Variants in BNC2 observed in about 807,000 individuals in gnomAD.
BNC2 encodes basonuclin zinc finger protein 2, also known as zinc finger protein basonuclin-2.
In BNC2, 20 loss-of-function variants were observed where a neutral mutation model predicts 76.3. The ratio of observed to expected loss-of-function variants is 0.26; its 90% CI spans 0.18 to 0.38. The LOEUF (loss-of-function observed/expected upper bound fraction) is 0.38, where lower values mean the gene tolerates loss of function less well. BNC2 is among the 10% of genes least tolerant of loss of function. The pLI is 1.00. For synonymous variants in BNC2, 582 were observed against 514.8 expected, an observed-to-expected ratio of 1.13 and a Z score of -1.77; for missense variants, 1,382 against 1,399.8, an observed-to-expected ratio of 0.99 and a Z score of 0.20.
At chr9:16,765,990 T>C (rs1425167473) in intron 1 of BNC2, among the ~76,000 whole-genome samples, 2 of 152,174 alleles carry the variant, frequency 1.3e-5, no homozygotes, top group Middle Eastern at 3.4e-3. Context: ...GATTTCACCG[T>C]GTTAGCCAGG....
chr9:16,612,928 A>C (rs1369679593), intron 3 of BNC2, among the ~76,000 whole-genome samples: 1 of 152,122 alleles, frequency 6.6e-6, no homozygotes, highest in Non-Finnish European at 1.5e-5. Context: ...GACCATCATC[A>C]CTTATGACAA....
chr9:16,598,884 A>C (rs1366818909), intron 3 of BNC2, among the ~76,000 whole-genome samples: 3 of 152,202 alleles, frequency 2.0e-5, no homozygotes, highest in Non-Finnish European at 4.4e-5. Flanking sequence ...GAAAAAGCCA[A>C]ACATCAAAAT....
intron 2 of BNC2, among the ~76,000 whole-genome samples, chr9:16,735,802 C>A (rs1167729780): frequency 9.9e-5 from 15 of 151,994 alleles, no homozygotes; most frequent in Admixed American, 9.8e-4. Context: ...CCATGCCCAG[C>A]CAAGATAATG....
chr9:16,723,871 T>C (rs1010230511), intron 3 of BNC2, among the ~76,000 whole-genome samples: 6 of 152,022 alleles, frequency 3.9e-5, no homozygotes, highest in Non-Finnish European at 7.4e-5. Flanking sequence ...TAATGCACAA[T>C]AGAAAAATGT....
intron 4 of BNC2, chr9:16,580,278 GGA>G: frequency 2.5e-6 from 1 of 397,486 alleles, no homozygotes; most frequent in Non-Finnish European, 4.4e-6. Flanking sequence ...TCATGAATGG[GGA>G]GAGTGTGGGA....
At chr9:16,799,524 A>G (rs1817733000) in intron 1 of BNC2, among the ~76,000 whole-genome samples, 1 of 152,132 alleles carries the variant, frequency 6.6e-6, no homozygotes, top group South Asian at 2.1e-4. Context: ...TATGTTGGCC[A>G]GGCTGGTCTC....
intron 1 of BNC2, among the ~76,000 whole-genome samples, chr9:16,824,316 A>T (rs1300103967): frequency 6.6e-6 from 1 of 152,158 alleles, no homozygotes; most frequent in Non-Finnish European, 1.5e-5. Context: ...AAGTCTAATG[A>T]CAGAAATTAA....
At chr9:16,707,289 T>C (rs1823708292) in intron 3 of BNC2, among the ~76,000 whole-genome samples, 1 of 152,246 alleles carries the variant, frequency 6.6e-6, no homozygotes, top group Non-Finnish European at 1.5e-5. Context: ...AATTCCAATT[T>C]TGATGTTACT....
chr9:16,539,562 G>GGA (rs1178835255), intron 5 of BNC2, among the ~76,000 whole-genome samples: 1 of 131,446 alleles, frequency 7.6e-6, no homozygotes, highest in Admixed American at 8.0e-5. Flanking sequence ...AGGGGGAGGG[G>GGA]GAGAGAGAGA....
intron 3 of BNC2, among the ~76,000 whole-genome samples, chr9:16,718,563 A>G (rs558273244): frequency 6.6e-6 from 1 of 152,256 alleles, no homozygotes; most frequent in East Asian, 1.9e-4. Flanking sequence ...ATCCTAGCGC[A>G]ATTCTAATTT....
At chr9:16,488,238 G>A (rs7872452) in intron 5 of BNC2, among the ~76,000 whole-genome samples, 3 of 151,872 alleles carry the variant, frequency 2.0e-5, no homozygotes, top group Non-Finnish European at 4.4e-5. Flanking sequence ...TCTCCCCAAC[G>A]TACTATATCT....
chr9:16,498,190 C>CATATATATATTCCATCAT (rs1822438469), intron 5 of BNC2, among the ~76,000 whole-genome samples: 4 of 133,858 alleles, frequency 3.0e-5, no homozygotes, highest in Admixed American at 7.5e-5. Flanking sequence ...TATATTCCAT[C>CATATATATATTCCATCAT]ATATATATAT....
chr9:16,419,919 C>A (rs536953412), intron 6 of BNC2, among the ~76,000 whole-genome samples: 1 of 152,018 alleles, frequency 6.6e-6, no homozygotes, highest in Non-Finnish European at 1.5e-5. Context: ...AATGCAAACC[C>A]GTGCACCTTT....
At chr9:16,720,920 A>T (rs113891156) in intron 3 of BNC2, among the ~76,000 whole-genome samples, 2 of 152,336 alleles carry the variant, frequency 1.3e-5, no homozygotes, top group African/African-American at 4.8e-5. Flanking sequence ...CACCCAAATG[A>T]ACTCCAGTCA....
At chr9:16,441,132 C>T (rs1174053058) in intron 5 of BNC2, among the ~76,000 whole-genome samples, 1 of 152,066 alleles carries the variant, frequency 6.6e-6, no homozygotes, top group Non-Finnish European at 1.5e-5. Flanking sequence ...CATGGCAAGA[C>T]CCTGTCTACA....
intron 5 of BNC2, among the ~76,000 whole-genome samples, chr9:16,471,282 C>A (rs535636934): frequency 6.7e-6 from 1 of 150,024 alleles, no homozygotes; most frequent in South Asian, 2.1e-4. Context: ...AAGTAACTAG[C>A]TTGCTTTTGA....
At chr9:16,673,430 TAAAA>T (rs370952322) in intron 3 of BNC2, among the ~76,000 whole-genome samples, 15 of 146,310 alleles carry the variant, frequency 1.0e-4, no homozygotes, top group African/African-American at 2.3e-4. Context: ...TTCTGAGATT[TAAAA>T]AAAAAAAAAA....
At chr9:16,662,313 T>C (rs1276778137) in intron 3 of BNC2, among the ~76,000 whole-genome samples, 1 of 152,208 alleles carries the variant, frequency 6.6e-6, no homozygotes, top group African/African-American at 2.4e-5. Flanking sequence ...AAGGTCTCAT[T>C]CTACTCTACA....
intron 1 of BNC2, among the ~76,000 whole-genome samples, chr9:16,788,447 G>T (rs967098930): frequency 3.3e-5 from 5 of 151,772 alleles, no homozygotes; most frequent in African/African-American, 1.2e-4. Context: ...CAGCTACTCG[G>T]GAGGCTAAGG....
Sources: gnomAD v4.1 joint callset for allele counts (sites outside exome capture counted in the v4.1 genomes callset) on GRCh38, gnomAD v4.1.1 for gene constraint, MANE v1.5 for transcripts, NCBI Gene and HGNC (gene_info 2026-07-23, HGNC 2026-07-21) for gene names.